SPDYA: variants seen among roughly 807,000 people sequenced by gnomAD.
The protein encoded by SPDYA is speedy protein A.
A neutral mutation model predicts 36.7 loss-of-function variants in SPDYA; 11 were observed. The ratio of observed to expected loss-of-function variants is 0.30; its 90% CI spans 0.19 to 0.50. SPDYA has a LOEUF of 0.50. Among genes scored for constraint, SPDYA ranks in the 20% least tolerant of loss-of-function variants. The pLI, the probability that SPDYA is intolerant of heterozygous loss-of-function variation, is 0.98. For missense variants in SPDYA, 287 were observed against 370.9 expected, an observed-to-expected ratio of 0.77 and a Z score of 1.86; for synonymous variants, 115 against 118.7, an observed-to-expected ratio of 0.97 and a Z score of 0.20.
chr2:28,818,193 G>C (rs1668036461), intron 3 of SPDYA, among the ~76,000 whole-genome samples: 1 of 152,046 alleles, frequency 6.6e-6, no homozygotes, highest in Non-Finnish European at 1.5e-5. Context: ...TAGCAAGGCA[G>C]AAATTCTTAT....
At chr2:28,841,418 T>C (rs1382840172) in intron 7 of SPDYA, among the ~76,000 whole-genome samples, 1 of 152,132 alleles carries the variant, frequency 6.6e-6, no homozygotes, top group African/African-American at 2.4e-5. Flanking sequence ...TTATCTGACA[T>C]TTCTTTTCTA....
intron 5 of SPDYA, 111 bp from the exon 6 acceptor site, chr2:28,829,037 C>T (rs1218185951): frequency 5.0e-5 from 41 of 826,402 alleles, no homozygotes; most frequent in Middle Eastern, 3.4e-4. Context: ...CTTTAATTAA[C>T]GTTGAACACC....
chr2:28,830,877 C>G (rs987072152), intron 6 of SPDYA, among the ~76,000 whole-genome samples: 1 of 152,036 alleles, frequency 6.6e-6, no homozygotes, highest in African/African-American at 2.4e-5. Context: ...CAGAAAAATT[C>G]TAGAGTAGAA....
At chr2:28,823,107 G>A (rs953391948) in intron 5 of SPDYA, among the ~76,000 whole-genome samples, 1 of 152,058 alleles carries the variant, frequency 6.6e-6, no homozygotes, top group African/African-American at 2.4e-5. Context: ...TGTGGAAAAT[G>A]CTCTAAACAT....
At chr2:28,831,218 C>T (rs141166636) in intron 6 of SPDYA, among the ~76,000 whole-genome samples, 6 of 152,068 alleles carry the variant, frequency 3.9e-5, no homozygotes, top group South Asian at 2.1e-4. Flanking sequence ...ATTAGGTAGG[C>T]GTGGTGGTGC....
In SPDYA at chr2:28,849,879, A is replaced by G; in HGVS notation, c.880A>G (p.Lys294Glu). 6.3e-7 allele frequency: 1 copy of G among 1,588,328 alleles called. No individual in the cohort carries two copies. The highest frequency in any genetic ancestry group is 1.2e-5 in the South Asian group (1 of 85,704). Reference sequence around the variant, plus strand: ...CAATGACCATCAATCAAATAAAGGAAAGAAAACTAATTTCTTGAAGAAAGA... The same window carrying G: ...CAATGACCATCAATCAAATAAAGGAGAGAAAACTAATTTCTTGAAGAAAGA... ...VVNDHQSNKG[K>E]KTNFLKKDKS... Residue 294 changes from lysine to glutamate, a missense_variant, in exon 8 of 8, where the codon AAG becomes GAG. Physicochemically the swap from Lys to Glu is moderately conservative, Grantham distance 56. Coordinates refer to ENST00000334056, the MANE Select transcript of SPDYA (RefSeq NM_182756.4).
At chr2:28,824,486 A>AC (rs1364026301) in intron 5 of SPDYA, among the ~76,000 whole-genome samples, 12 of 100,446 alleles carry the variant, frequency 1.2e-4, no homozygotes, top group African/African-American at 3.3e-4. Context: ...GAGAAAAAAA[A>AC]AAAAACAAAA....
intron 7 of SPDYA, among the ~76,000 whole-genome samples, chr2:28,845,601 A>T (rs765173533): frequency 1.3e-5 from 2 of 152,030 alleles, no homozygotes; most frequent in Non-Finnish European, 2.9e-5. Flanking sequence ...CTGGAGTGCA[A>T]TGGTGCGATC....
At chr2:28,824,490 A>AC (rs1668265505) in intron 5 of SPDYA, among the ~76,000 whole-genome samples, 1 of 100,068 alleles carries the variant, frequency 1.0e-5, no homozygotes, top group Non-Finnish European at 1.9e-5. Context: ...AAAAAAAAAA[A>AC]ACAAAAAAAA....
intron 5 of SPDYA, among the ~76,000 whole-genome samples, chr2:28,828,419 T>C (rs1668387868): frequency 6.6e-6 from 1 of 152,258 alleles, no homozygotes; most frequent in Non-Finnish European, 1.5e-5. Context: ...TCAGTGTATT[T>C]TTCATTGTAC....
chr2:28,829,356 G>A, intron 6 of SPDYA, 37 bp downstream of exon 6: 1 of 1,532,872 alleles, frequency 6.5e-7, no homozygotes, highest in Non-Finnish European at 8.7e-7. Flanking sequence ...TGTAATCTTT[G>A]TTTTCTGTTT....
At chr2:28,840,046 TA>T (rs1668711829) in intron 6 of SPDYA, 125 bp from the exon 7 acceptor site, 2 of 883,088 alleles carry the variant, frequency 2.3e-6, no homozygotes, top group Non-Finnish European at 1.7e-6. Context: ...CTTTGTTTTT[TA>T]AATCAGCAAT....
chr2:28,819,849 AATATATATAT>A (rs200009876), intron 4 of SPDYA, among the ~76,000 whole-genome samples: 55 of 17,772 alleles, frequency 3.1e-3, no homozygotes, highest in East Asian at 9.4e-3. Context: ...AAAAAAAAAA[AATATATATAT>A]ATATATATAT....
At chr2:28,836,906 C>T in intron 6 of SPDYA, among the ~76,000 whole-genome samples, 1 of 152,142 alleles carries the variant, frequency 6.6e-6, no homozygotes, top group Non-Finnish European at 1.5e-5. Context: ...GGGAGGATGC[C>T]TATCTAATGA....
intron 7 of SPDYA, among the ~76,000 whole-genome samples, chr2:28,848,766 G>A (rs1179040733): frequency 6.6e-6 from 1 of 152,110 alleles, no homozygotes; most frequent in Non-Finnish European, 1.5e-5. Flanking sequence ...AAACAGGCCG[G>A]GCATGGTGGC....
Position 28,814,642 on chromosome 2 carries a change from G to T in SPDYA, c.-63G>T, listed in dbSNP as rs1169305621. 2 of 152,112 alleles carry T rather than the reference G, an allele frequency of 1.3e-5. No homozygotes were observed. The highest frequency in any genetic ancestry group is 1.3e-4 in the Admixed American group (2 of 15,262). 9.4% of individuals were successfully genotyped at this position (152,112 alleles called of 1,614,324 possible). A position where few individuals can be genotyped will look rare whatever the true frequency, so the allele number is the denominator to read the frequency against. ...TCCTTCAGAAGGGAAATTTCTGAGGGTCAGGAAGGGGAATCTGTACCTCAC... is the reference window on the plus strand; with the variant it reads ...TCCTTCAGAAGGGAAATTTCTGAGGTTCAGGAAGGGGAATCTGTACCTCAC... On this transcript the variant is annotated 5_prime_UTR_variant, in exon 2 of 8. Transcript: ENST00000334056.
rs907810928 is a variant in SPDYA, at chr2:28,822,428, T to A, written c.380+18T>A. 7.5e-7 allele frequency: 1 copy of A among 1,329,762 alleles called. No homozygotes were observed. Among genetic ancestry groups the A allele is most frequent in the Non-Finnish European group, 1.0e-6 (1 of 954,088 alleles). The allele number at this position is 1,329,762 out of a possible 1,614,324, so 82.4% of individuals were successfully genotyped here. A position where few individuals can be genotyped will look rare whatever the true frequency, so the allele number is the denominator to read the frequency against. ...ATTGCTCTGTAAGTATACTTTCTAC[T>A]AAGTGATTGTTGTGTTATCTATTAT... On this transcript the variant is annotated intron_variant, in intron 5 of 7. Coordinates refer to ENST00000334056, the MANE Select transcript of SPDYA (RefSeq NM_182756.4).
chr2:28,818,736 T>C (rs1668056902), intron 3 of SPDYA, among the ~76,000 whole-genome samples: 2 of 152,154 alleles, frequency 1.3e-5, no homozygotes, highest in Admixed American at 6.5e-5. Context: ...TAGAGATAAA[T>C]AGGAGAGAAG....
rs535300565 is a variant in SPDYA, at chr2:28,820,340, G to T, written c.294+1234G>T. 2.0e-5 allele frequency among the ~76,000 whole-genome samples: 3 copies of T among 151,996 alleles called. No homozygotes were observed. In the East Asian group the frequency reaches 5.8e-4, roughly 29 times the overall value. ...TGTCGCTCATACCTGTGATCCTAGC[G>T]CTTGGGATGCTGAGGCGGGCAGATC... is the stretch of plus-strand genomic sequence containing the variant. On this transcript the variant is annotated intron_variant, in intron 4 of 7. Coordinates refer to ENST00000334056, the MANE Select transcript of SPDYA (RefSeq NM_182756.4).
Sources: allele counts gnomAD v4.1 joint callset (sites outside exome capture counted in the v4.1 genomes callset), GRCh38; gene constraint gnomAD v4.1.1; transcripts MANE v1.5; gene names NCBI Gene and HGNC (gene_info 2026-07-23, HGNC 2026-07-21).